SSRP1: variants seen among roughly 807,000 people sequenced by gnomAD.
SSRP1 encodes the protein structure specific recognition protein 1, also known as FACT complex subunit SSRP1.
SSRP1 carries 21 observed loss-of-function variants against 84.4 expected under a neutral mutation model. The observed-to-expected ratio is 0.25, with a 90% confidence interval of 0.18 to 0.36. The LOEUF is 0.36. Ranked by LOEUF, SSRP1 falls within the 10% of genes least tolerant of loss-of-function variation. The pLI, the probability that SSRP1 is intolerant of heterozygous loss-of-function variation, is 1.00. For synonymous variants in SSRP1, 319 were observed against 318.3 expected (o/e 1.00, Z -0.02); for missense variants, 519 against 900.8 (o/e 0.58, Z 5.43).
chr11:57,331,583 A>G, intron 9 of SSRP1, 85 bp downstream of exon 9: 1 of 1,087,362 alleles, frequency 9.2e-7, no homozygotes, highest in Non-Finnish European at 1.4e-6. Flanking sequence ...CTAGGGTTGG[A>G]GAGTGCCCCA....
Position 57,331,599 on chromosome 11 carries a change from C to T in SSRP1, c.1223+69G>A, listed in dbSNP as rs538540907. On this transcript the variant is annotated intron_variant, in intron 9 of 16. Transcript: ENST00000278412. ...TAGGGTTGGAGAGTGCCCCAGGCCACGCCAGCCTTCCTAGACAAAGCTGGC... is the reference window on the plus strand; with the variant it reads ...TAGGGTTGGAGAGTGCCCCAGGCCATGCCAGCCTTCCTAGACAAAGCTGGC... The T allele has an allele frequency of 6.1e-5, 83 of 1,350,404 alleles. No homozygotes were observed. The African/African-American group carries it at 7.3e-4, about 12-fold the overall frequency. The allele number at this position is 1,350,404 out of a possible 1,614,324, so 83.7% of individuals were successfully genotyped here. A position where few individuals can be genotyped will look rare whatever the true frequency, so the allele number is the denominator to read the frequency against.
chr11:57,327,872 C>A lies in SSRP1; in HGVS notation c.1622G>T (p.Gly541Val), dbSNP rs1298405270. The A allele has an allele frequency of 6.2e-7, 1 of 1,613,630 alleles. No individual in the cohort carries two copies. The highest frequency in any genetic ancestry group is 1.7e-5 in the Admixed American group (1 of 60,022). ...CCTCTTGGGGGCATTGGGGTCTTTG[C>A]CCTTCTTCACCTACATAAGAACCCA... is the stretch of plus-strand genomic sequence containing the variant. ...SRKKPVEVKK[G>V]KDPNAPKRPM... The change falls in exon 14 of 17, where the codon GGC (glycine) becomes GTC (valine). Residue 541 changes from glycine to valine, a missense_variant. Gly to Val is a moderately radical substitution (Grantham distance 109). This residue lies in a region of SSRP1 where 197 missense variants were observed against 265.0 expected (regional missense o/e 0.74). Coordinates refer to ENST00000278412, the MANE Select transcript of SSRP1 (RefSeq NM_003146.3).
chr11:57,328,060 G>T, intron 13 of SSRP1, 178 bp from the exon 14 acceptor site: 1 of 955,052 alleles, frequency 1.0e-6, no homozygotes, highest in Non-Finnish European at 1.5e-6. Flanking sequence ...TCAGTGCCTA[G>T]CTTACCAGGA....
chr11:57,334,169 C>A lies in SSRP1; in HGVS notation c.240+294G>T, dbSNP rs542109711. 3.3e-5 allele frequency among the ~76,000 whole-genome samples: 5 copies of A among 152,258 alleles called. No individual in the cohort carries two copies. In the South Asian group the frequency reaches 1.0e-3, roughly 32 times the overall value. On this transcript the variant is annotated intron_variant, in intron 3 of 16. Transcript: ENST00000278412. ...CCCTGTCCCCAAAAAAAACCAAAAACACACATACACACAAAGAAATCAAGC... is the reference window on the plus strand; with the variant it reads ...CCCTGTCCCCAAAAAAAACCAAAAAAACACATACACACAAAGAAATCAAGC...
chr11:57,331,003 A>C (rs373933907), intron 9 of SSRP1, 76 bp from the exon 10 acceptor site: 1 of 1,528,358 alleles, frequency 6.5e-7, no homozygotes, highest in Non-Finnish European at 9.1e-7. Context: ...TTCTGATTCC[A>C]TGAGCTGGGG....
At chr11:57,329,408 G>A (rs2134387241) in intron 12 of SSRP1, 1 of 153,148 alleles carries the variant, frequency 6.5e-6, no homozygotes, top group East Asian at 1.9e-4. Flanking sequence ...GGCTAGAAAG[G>A]GGCAGGTAAC....
At chr11:57,328,089 T>G in intron 13 of SSRP1, 1 of 976,586 alleles carries the variant, frequency 1.0e-6, no homozygotes. Flanking sequence ...CATCTCCTAA[T>G]TCAGACCTTC....
Position 57,330,065 on chromosome 11 carries a change from AT to A in SSRP1, c.1481+27del. On this transcript the variant is annotated intron_variant, in intron 12 of 16. Transcript: ENST00000278412. The surrounding 1 kb of genome is among the most constrained non-coding windows in gnomAD (Gnocchi z 4.0). ...CCTTAAGCTTATGGGTCACCATCTT[AT>A]CCCCACAAGGTACCACCAAAACTCA... 6.2e-7 allele frequency: 1 copy of A among 1,613,972 alleles called. No homozygotes were observed.
At chr11:57,331,933 G>A (rs1856100043) in intron 8 of SSRP1, 44 bp from the exon 9 acceptor site, 6 of 1,564,230 alleles carry the variant, frequency 3.8e-6, no homozygotes, top group Non-Finnish European at 5.2e-6. Context: ...AACCTCAGCA[G>A]AGGCAAAGGG....
At position 57,335,805 on chromosome 11, in the gene SSRP1, G is replaced by C. The variant is rs1410450972; in HGVS notation, c.-195C>G. On this transcript the variant is annotated 5_prime_UTR_variant, in exon 1 of 17. Transcript: ENST00000278412. The surrounding 1 kb of genome is among the most constrained non-coding windows in gnomAD (Gnocchi z 4.6). The stretch of plus-strand genomic sequence containing the variant: ...TGGGGGGACGCGGGGGGGGCGCGGG[G>C]AGGGGGATGGGGGGACACCGGGGAA... 1 of 152,206 alleles carries C rather than the reference G, an allele frequency of 6.6e-6. No individual in the cohort carries two copies. Among genetic ancestry groups the C allele is most frequent in the Non-Finnish European group, 1.5e-5 (1 of 68,196 alleles). The allele number at this position is 152,206 out of a possible 1,614,324, so 9.4% of individuals were successfully genotyped here.
chr11:57,334,300 A>T (rs1249593435), intron 3 of SSRP1, among the ~76,000 whole-genome samples, 163 bp downstream of exon 3: 3 of 152,266 alleles, frequency 2.0e-5, no homozygotes, highest in Non-Finnish European at 4.4e-5. Context: ...CAAGACTTCA[A>T]CGCTCAAAGC....
Position 57,330,012 on chromosome 11 carries a change from C to T in SSRP1, c.1481+81G>A. 1.1e-5 allele frequency: 17 copies of T among 1,560,040 alleles called. No homozygotes were observed. The highest frequency in any genetic ancestry group is 1.3e-5 in the Non-Finnish European group (15 of 1,130,970). ...CTGGGTCAGTAGCTAATGCTGGGAC[C>T]TGAGAAATGTCCAGAAATCTTCTGG... is the stretch of plus-strand genomic sequence containing the variant. On this transcript the variant is annotated intron_variant, in intron 12 of 16. Coordinates refer to ENST00000278412, the MANE Select transcript of SSRP1 (RefSeq NM_003146.3). The surrounding 1 kb of genome is among the most constrained non-coding windows in gnomAD (Gnocchi z 4.0).
intron 12 of SSRP1, chr11:57,329,681 AT>A: frequency 4.2e-6 from 1 of 235,784 alleles, no homozygotes; most frequent in Non-Finnish European, 8.3e-6. Flanking sequence ...AGTGAATCAC[AT>A]TTCTGACACT....
At chr11:57,328,253 C>T (rs563510924) in intron 13 of SSRP1, 44 bp downstream of exon 13, 2 of 1,604,260 alleles carry the variant, frequency 1.2e-6, no homozygotes, top group East Asian at 2.2e-5. Context: ...CCACGCCCCC[C>T]ACCCACTGCA....
In SSRP1 at chr11:57,327,814, G is replaced by A. The variant is rs1856014594; in HGVS notation, c.1680C>T (p.Ala560=). 1 of 1,614,044 alleles carries A rather than the reference G, an allele frequency of 6.2e-7. No homozygotes were observed. Among genetic ancestry groups the A allele is most frequent in the Admixed American group, 1.7e-5 (1 of 60,002 alleles). Residue 560 remains alanine (A), a synonymous_variant, in exon 14 of 17, where the codon GCC becomes GCT. Transcript: ENST00000278412. The stretch of plus-strand genomic sequence containing the variant: ...GGTCTGACTTGATCTTCTCTCGGCT[G>A]GCATTGAGCCACAGCATGTATGCAG... The part of the protein sequence containing the change: ...PMSAYMLWLN[A]SREKIKSDHP...
intron 9 of SSRP1, among the ~76,000 whole-genome samples, chr11:57,331,451 T>TTTTTG (rs767082109): frequency 3.3e-5 from 5 of 151,980 alleles, no homozygotes; most frequent in East Asian, 3.9e-4. Flanking sequence ...GAAAAAGTTT[T>TTTTTG]TTTTGTTTTG....
chr11:57,331,580 T>G (rs1289011390), intron 9 of SSRP1, 88 bp downstream of exon 9: 2 of 1,048,546 alleles, frequency 1.9e-6, no homozygotes, highest in African/African-American at 1.6e-5. Context: ...GCTCTAGGGT[T>G]GGAGAGTGCC....
chr11:57,327,719 T>G lies in SSRP1; in HGVS notation c.1775A>C (p.Lys592Thr). The change falls in exon 14 of 17, where the codon AAG becomes ACG. Residue 592 changes from lysine to threonine, a missense_variant. By Grantham distance (78) the Lys-to-Thr change is moderately conservative (BLOSUM62 -1). Coordinates refer to ENST00000278412, the MANE Select transcript of SSRP1 (RefSeq NM_003146.3). ...TCCTCTGCTGCTACTCACCTCTTTC[T>G]TCTCTTTGGACATTCCCTTCCAGAT... ...GEIWKGMSKEKKEEWDRKAED... is the reference protein window; with the variant it reads ...GEIWKGMSKETKEEWDRKAED... The G allele has an allele frequency of 1.9e-6, 3 of 1,614,072 alleles. No homozygotes were observed. Among genetic ancestry groups the G allele is most frequent in the Non-Finnish European group, 2.5e-6 (3 of 1,179,992 alleles).
Position 57,333,422 on chromosome 11 carries a change from C to T in SSRP1, c.346+13G>A, listed in dbSNP as rs147420606. The stretch of plus-strand genomic sequence containing the variant: ...ATCTTCCTCCCCAAACCTCAGTCTT[C>T]CCCAGGACTCACCACCAAATTTCAC... On this transcript the variant is annotated intron_variant, in intron 4 of 16. Transcript: ENST00000278412. 213 of 1,608,914 alleles carry T rather than the reference C, an allele frequency of 1.3e-4. No individual in the cohort carries two copies. The African/African-American group carries it at 2.2e-3, about 17-fold the overall frequency.
Sources: gnomAD v4.1 joint callset for allele counts (sites outside exome capture counted in the v4.1 genomes callset) on GRCh38, gnomAD v4.1.1 for gene constraint, gnomAD v4.1.1 regional missense constraint, Gnocchi (gnomAD v3.1) non-coding constraint, MANE v1.5 for transcripts, NCBI Gene and HGNC (gene_info 2026-07-23, HGNC 2026-07-21) for gene names.